PTPN3: variants seen among roughly 807,000 people sequenced by gnomAD.
PTPN3 encodes protein tyrosine phosphatase non-receptor type 3.
PTPN3 carries 96 observed loss-of-function variants against 132.7 expected under a neutral mutation model. That is an observed-to-expected ratio of 0.72 (90% confidence interval 0.61 to 0.86). PTPN3 has a LOEUF of 0.86. Ranked by LOEUF, PTPN3 falls within the 40% of genes least tolerant of loss-of-function variation. The pLI is 0.00. For missense variants in PTPN3, 1,125 were observed against 1,159.6 expected (o/e 0.97, Z 0.43); for synonymous variants, 398 against 429.0 (o/e 0.93, Z 0.89).
At chr9:109,450,553 G>A (rs1334924602) in intron 5 of PTPN3, 1 of 985,098 alleles carries the variant, frequency 1.0e-6, no homozygotes, top group African/African-American at 1.7e-5. Flanking sequence ...TCAACCCCAT[G>A]GCATCATACA....
chr9:109,532,583 T>TAAA, the PTPN3 span, among the ~76,000 whole-genome samples: 1 of 127,992 alleles, frequency 7.8e-6, no homozygotes. Context: ...AAAACAGGCT[T>TAAA]TAAAAAAAAA....
At chr9:109,453,722 A>G (rs1845401188) in intron 5 of PTPN3, among the ~76,000 whole-genome samples, 1 of 152,094 alleles carries the variant, frequency 6.6e-6, no homozygotes, top group Admixed American at 6.5e-5. Flanking sequence ...GAAAATTCTT[A>G]TAACAAAGCT....
chr9:109,435,268 C>A (rs1333648305), intron 9 of PTPN3, among the ~76,000 whole-genome samples: 9 of 152,212 alleles, frequency 5.9e-5, no homozygotes, highest in African/African-American at 2.2e-4. Context: ...CCCAACCCCA[C>A]ATTTCCCAGC....
At chr9:109,533,812 T>A in the PTPN3 span, 3 of 940,686 alleles carry the variant, frequency 3.2e-6, no homozygotes, top group Non-Finnish European at 3.3e-6. Context: ...CACGCTCCCA[T>A]CCCTCGTTCT....
intron 19 of PTPN3, among the ~76,000 whole-genome samples, chr9:109,394,454 A>T (rs545318945): frequency 5.7e-5 from 8 of 140,194 alleles, no homozygotes; most frequent in East Asian, 2.1e-4. Flanking sequence ...CAGTGTTTAC[A>T]TTTTTTTTTT....
chr9:109,454,746 A>T (rs1013096662), intron 4 of PTPN3, among the ~76,000 whole-genome samples, 172 bp from the exon 5 acceptor site: 11 of 152,250 alleles, frequency 7.2e-5, no homozygotes, highest in Non-Finnish European at 1.5e-5. Context: ...GAAATCTCCA[A>T]GTCTTCAAAA....
At chr9:109,518,647 A>G in the PTPN3 span, among the ~76,000 whole-genome samples, 1 of 152,164 alleles carries the variant, frequency 6.6e-6, no homozygotes, top group Non-Finnish European at 1.5e-5. Context: ...GGGAGAAAAG[A>G]GGAACACTTG....
intron 12 of PTPN3, 90 bp from the exon 13 acceptor site, chr9:109,422,942 T>C: frequency 6.8e-7 from 1 of 1,481,316 alleles, no homozygotes; most frequent in Non-Finnish European, 9.3e-7. Flanking sequence ...ACATGCTTCT[T>C]GTCTGAAGGA....
At chr9:109,411,120 C>T (rs546485986) in intron 14 of PTPN3, among the ~76,000 whole-genome samples, 2 of 152,146 alleles carry the variant, frequency 1.3e-5, no homozygotes, top group Non-Finnish European at 2.9e-5. Flanking sequence ...CAGTGGCTCC[C>T]GTATGAGACA....
chr9:109,409,581 C>T (rs1400667381), intron 16 of PTPN3, among the ~76,000 whole-genome samples: 1 of 152,092 alleles, frequency 6.6e-6, no homozygotes, highest in Non-Finnish European at 1.5e-5. Flanking sequence ...AATCCCGGCA[C>T]TTTGGGAGGC....
chr9:109,406,883 C>T (rs1253684886), intron 17 of PTPN3, among the ~76,000 whole-genome samples: 1 of 152,150 alleles, frequency 6.6e-6, no homozygotes, highest in African/African-American at 2.4e-5. Context: ...GCCATTTCTC[C>T]GTGGTAGTCA....
Position 109,391,164 on chromosome 9 carries a change from C to T in PTPN3, c.2080G>A (p.Asp694Asn). ...TTCACGTAACTTGCATTAATATAATCTTCATTTCCCTGCAATAATACCCGG... is the reference window on the plus strand; with the variant it reads ...TTCACGTAACTTGCATTAATATAATTTTCATTTCCCTGCAATAATACCCGG... ...TTRVLLQGNEDYINASYVNME... is the reference protein window; with the variant it reads ...TTRVLLQGNENYINASYVNME... Residue 694 changes from aspartate (D) to asparagine (N), a missense_variant, in exon 21 of 26, where the codon GAT (aspartate) becomes AAT (asparagine). Physicochemically the swap from Asp to Asn is conservative, Grantham distance 23 (BLOSUM62 1). Transcript: ENST00000374541. 6.2e-7 allele frequency: 1 copy of T among 1,613,656 alleles called. No individual in the cohort carries two copies. The highest frequency in any genetic ancestry group is 8.5e-7 in the Non-Finnish European group (1 of 1,179,742).
At chr9:109,500,206 C>G (rs1847845566), upstream of PTPN3, among the ~76,000 whole-genome samples, 1 of 152,194 alleles carries the variant, frequency 6.6e-6, no homozygotes, top group African/African-American at 2.4e-5. Context: ...GAGTGCCTAC[C>G]AAAATCAGCC....
chr9:109,489,621 T>C (rs1415851755), intron 1 of PTPN3, among the ~76,000 whole-genome samples: 1 of 152,174 alleles, frequency 6.6e-6, no homozygotes, highest in Non-Finnish European at 1.5e-5. Flanking sequence ...TGCACTGTTC[T>C]TGGGGGCCTA....
intron 1 of PTPN3, among the ~76,000 whole-genome samples, chr9:109,474,451 A>G (rs1207227155): frequency 1.3e-5 from 2 of 152,068 alleles, no homozygotes; most frequent in East Asian, 3.9e-4. Flanking sequence ...TCTAGGGGAG[A>G]GGAAGCCCCA....
intron 4 of PTPN3, among the ~76,000 whole-genome samples, chr9:109,456,638 A>C (rs1030267817): frequency 6.6e-6 from 1 of 152,192 alleles, no homozygotes; most frequent in Non-Finnish European, 1.5e-5. Context: ...ATCAGGGCAG[A>C]GGGTGGACTA....
At chr9:109,513,839 G>A in the PTPN3 span, among the ~76,000 whole-genome samples, 2 of 152,124 alleles carry the variant, frequency 1.3e-5, no homozygotes, top group Admixed American at 1.3e-4. Context: ...GTTTGGAAGA[G>A]TTTGAATATT....
the PTPN3 span, chr9:109,533,354 C>T: frequency 1.8e-6 from 1 of 564,448 alleles, no homozygotes. Context: ...CCTTGTTAGC[C>T]AGGATGGTCT....
At chr9:109,414,312 TGATTC>T (rs1159800672) in intron 14 of PTPN3, among the ~76,000 whole-genome samples, 2 of 152,250 alleles carry the variant, frequency 1.3e-5, no homozygotes, top group African/African-American at 4.8e-5. Flanking sequence ...ATGCAGAGTA[TGATTC>T]GGCAGGCCTG....
Sources: gnomAD v4.1 joint callset for allele counts (sites outside exome capture counted in the v4.1 genomes callset) on GRCh38, gnomAD v4.1.1 for gene constraint, MANE v1.5 for transcripts, NCBI Gene and HGNC (gene_info 2026-07-23, HGNC 2026-07-21) for gene names.